The following KCNB2 variants were observed in gnomAD, a reference collection of about 807,000 sequenced individuals.
The protein encoded by KCNB2 is potassium voltage-gated channel subfamily B member 2.
Under a neutral mutation model 61.5 loss-of-function variants are expected in KCNB2, and 15 were observed. The observed-to-expected ratio is 0.24, with a 90% CI of 0.16 to 0.38. The LOEUF (loss-of-function observed/expected upper bound fraction) is 0.38. Ranked by LOEUF, KCNB2 falls within the 10% of genes least tolerant of loss-of-function variation. The pLI is 1.00. For synonymous variants in KCNB2, 457 were observed against 446.0 expected (o/e 1.02, Z -0.31); for missense variants, 828 against 1,125.2 (o/e 0.74, Z 3.78).
chr8:72,542,966 T>C (rs1030082351), intron 1 of KCNB2, among the ~76,000 whole-genome samples: 1 of 152,162 alleles, frequency 6.6e-6, no homozygotes, highest in Non-Finnish European at 1.5e-5. Flanking sequence ...ATATTATAAA[T>C]GCTATTGATA....
intron 2 of KCNB2, among the ~76,000 whole-genome samples, chr8:72,627,012 A>C (rs1004389266): frequency 2.0e-5 from 3 of 152,184 alleles, no homozygotes; most frequent in African/African-American, 7.2e-5. Flanking sequence ...ATTGTGTGTT[A>C]ATATTTATCA....
At chr8:72,572,077 G>A (rs927553658) in intron 2 of KCNB2, among the ~76,000 whole-genome samples, 1 of 152,254 alleles carries the variant, frequency 6.6e-6, no homozygotes, top group East Asian at 1.9e-4. Context: ...ACAACAATCA[G>A]GAAGTAGCAC....
At chr8:72,725,591 G>GTATGTATA (rs1807631795) in intron 2 of KCNB2, among the ~76,000 whole-genome samples, 3 of 51,946 alleles carry the variant, frequency 5.8e-5, no homozygotes, top group African/African-American at 1.9e-4. Context: ...ATATATGTAT[G>GTATGTATA]TATATATATA....
At chr8:72,736,672 A>G (rs1046175611) in intron 2 of KCNB2, among the ~76,000 whole-genome samples, 3 of 152,180 alleles carry the variant, frequency 2.0e-5, no homozygotes, top group African/African-American at 7.2e-5. Flanking sequence ...TCTATCTAAC[A>G]AGATACAAGG....
chr8:72,859,642 T>C (rs528894640), intron 2 of KCNB2, among the ~76,000 whole-genome samples: 1 of 151,574 alleles, frequency 6.6e-6, no homozygotes, highest in South Asian at 2.1e-4. Flanking sequence ...TGGATTGGCT[T>C]CTTTCATGTA....
chr8:72,859,706 CGTTTTTTTTTTT>C (rs1366198312), intron 2 of KCNB2, among the ~76,000 whole-genome samples: 7 of 73,442 alleles, frequency 9.5e-5, no homozygotes, highest in Admixed American at 3.7e-4. Flanking sequence ...TACTTCATTT[CGTTTTTTTTTTT>C]TTTTTTTTTT....
At chr8:72,633,757 A>G (rs1805918769) in intron 2 of KCNB2, among the ~76,000 whole-genome samples, 1 of 152,184 alleles carries the variant, frequency 6.6e-6, no homozygotes, top group South Asian at 2.1e-4. Context: ...AACACAATTA[A>G]ATGACCCCAG....
chr8:72,891,617 ACCT>A (rs1318549177), intron 2 of KCNB2, among the ~76,000 whole-genome samples: 1 of 152,180 alleles, frequency 6.6e-6, no homozygotes, highest in African/African-American at 2.4e-5. Flanking sequence ...TAAGTACAAC[ACCT>A]AAACTGCAGA....
chr8:72,838,129 T>A (rs1005051693), intron 2 of KCNB2, among the ~76,000 whole-genome samples: 3 of 152,250 alleles, frequency 2.0e-5, no homozygotes, highest in African/African-American at 7.2e-5. Context: ...TTATTTTTTA[T>A]TATACTTTAA....
At chr8:72,578,690 G>T (rs770283946) in intron 2 of KCNB2, among the ~76,000 whole-genome samples, 11 of 152,096 alleles carry the variant, frequency 7.2e-5, no homozygotes, top group Non-Finnish European at 1.5e-4. Context: ...AAACTTTAAG[G>T]CAGTAAACTG....
rs76578288 is a variant in KCNB2 at position 72,640,141 on chromosome 8, A to G, written c.579+71828A>G. Among the ~76,000 whole-genome samples, 797 of 152,160 alleles carry G rather than the reference A, an allele frequency of 5.2e-3. 10 individuals carry two copies. Among genetic ancestry groups the G allele is most frequent in the African/African-American group, 0.018 (750 of 41,534 alleles). On this transcript the variant is annotated intron_variant, in intron 2 of 2. Transcript: ENST00000523207. ...TTGTTAGGCAAGAAATGAAGGAACA[A>G]AGTGGTGTGTGCTTTGTTTAGTGGA...
At chr8:72,797,717 C>G (rs1809054301) in intron 2 of KCNB2, among the ~76,000 whole-genome samples, 1 of 152,314 alleles carries the variant, frequency 6.6e-6, no homozygotes, top group East Asian at 1.9e-4. Context: ...ACATCGCTTA[C>G]AGGGACATGG....
At chr8:72,670,902 A>T (rs946975071) in intron 2 of KCNB2, among the ~76,000 whole-genome samples, 2 of 152,148 alleles carry the variant, frequency 1.3e-5, no homozygotes, top group Admixed American at 6.5e-5. Context: ...GAGATGTGTT[A>T]CCTCTCACAT....
intron 2 of KCNB2, among the ~76,000 whole-genome samples, chr8:72,714,177 C>T (rs971811016): frequency 1.1e-4 from 17 of 152,188 alleles, no homozygotes; most frequent in Admixed American, 6.5e-4. Flanking sequence ...ACCAAATCTA[C>T]GTCTGATTGG....
At chr8:72,846,609 A>T (rs1051890130) in intron 2 of KCNB2, among the ~76,000 whole-genome samples, 1 of 152,214 alleles carries the variant, frequency 6.6e-6, no homozygotes, top group Non-Finnish European at 1.5e-5. Flanking sequence ...ATATGAAGAC[A>T]CACTTCTCAA....
In KCNB2 at chr8:72,822,286, C is replaced by T. The variant is rs560338946; in HGVS notation, c.580-113649C>T. On this transcript the variant is annotated intron_variant, in intron 2 of 2. Transcript: ENST00000523207. The stretch of plus-strand genomic sequence containing the variant: ...ATATTTGCTTTATGTTTCCTCCCTT[C>T]TGGAAAGTTCCTAGATGGGGAGGGC... Among the ~76,000 whole-genome samples, 10 of 152,350 alleles carry T rather than the reference C, an allele frequency of 6.6e-5. 1 individual carries two copies. In the South Asian group the frequency reaches 1.7e-3, roughly 25 times the overall value.
intron 2 of KCNB2, among the ~76,000 whole-genome samples, chr8:72,761,167 A>G (rs570486845): frequency 1.3e-5 from 2 of 152,296 alleles, no homozygotes; most frequent in South Asian, 4.1e-4. Context: ...TCTGACTTAC[A>G]TAGTCCAGAA....
chr8:72,707,393 C>T (rs1361447862), intron 2 of KCNB2, among the ~76,000 whole-genome samples: 2 of 152,144 alleles, frequency 1.3e-5, no homozygotes, highest in Non-Finnish European at 2.9e-5. Context: ...CCCCATATTT[C>T]GCTTCTCCTT....
At chr8:72,637,945 A>G (rs1427550786) in intron 2 of KCNB2, among the ~76,000 whole-genome samples, 1 of 152,178 alleles carries the variant, frequency 6.6e-6, no homozygotes, top group East Asian at 1.9e-4. Context: ...CTCATGGGCC[A>G]TATGTCAGTG....
Sources: allele counts gnomAD v4.1 joint callset (sites outside exome capture counted in the v4.1 genomes callset), GRCh38; gene constraint gnomAD v4.1.1; transcripts MANE v1.5; gene names NCBI Gene and HGNC (gene_info 2026-07-23, HGNC 2026-07-21).